RUFY4: variants seen among roughly 807,000 people sequenced by gnomAD.
The protein encoded by RUFY4 is RUN and FYVE domain containing 4.
In RUFY4, 73 loss-of-function variants were observed where a neutral mutation model predicts 69.0. The observed-to-expected ratio is 1.06, with a 90% CI of 0.88 to 1.29. The LOEUF is 1.29. Among genes scored for constraint, RUFY4 ranks in the 50% most tolerant of loss-of-function variants. The pLI, the probability that RUFY4 is intolerant of heterozygous loss-of-function variation, is 0.00. For synonymous variants in RUFY4, 287 were observed against 271.8 expected (o/e 1.06, Z -0.55); for missense variants, 770 against 705.6 (o/e 1.09, Z -1.03).
rs1225044699 is a variant in RUFY4 at position 218,075,477 on chromosome 2, A to G, written c.985A>G (p.Thr329Ala). The change falls in exon 7 of 11, where the codon ACA (threonine) becomes GCA (alanine). Residue 329 changes from threonine to alanine, a missense_variant. By Grantham distance (58) the Thr-to-Ala change is moderately conservative. Coordinates refer to ENST00000344321, the Ensembl canonical transcript of RUFY4. Reference sequence around the variant, plus strand: ...GCTGGTTGCAGAGGGTCAGAGAACAACAGAGGGGACTCACAAAAAGGAAGC... The same window carrying G: ...GCTGGTTGCAGAGGGTCAGAGAACAGCAGAGGGGACTCACAAAAAGGAAGC... 5.0e-6 allele frequency: 8 copies of G among 1,598,194 alleles called. 1 individual carries two copies. The highest frequency in any genetic ancestry group is 6.8e-6 in the Non-Finnish European group (8 of 1,171,990).
At chr2:218,074,856 C>T (rs1399238965) in intron 6 of RUFY4, among the ~76,000 whole-genome samples, 2 of 152,058 alleles carry the variant, frequency 1.3e-5, no homozygotes, top group African/African-American at 4.8e-5. Flanking sequence ...ATGTGGGCTG[C>T]GGGAAGGGAC....
exon 7 of RUFY4, chr2:218,075,192 G>A (rs1196670504): frequency 6.4e-6 from 10 of 1,558,192 alleles, no homozygotes; most frequent in Non-Finnish European, 8.7e-6. Flanking sequence ...ACAGCAGCTG[G>A]CAGGGCTTCC....
chr2:218,044,501 A>T (rs971602602), intron 2 of RUFY4, among the ~76,000 whole-genome samples: 1 of 152,086 alleles, frequency 6.6e-6, no homozygotes, highest in Non-Finnish European at 1.5e-5. Context: ...AACTTGTGTC[A>T]TGGGGGTTTG....
chr2:218,061,203 A>G (rs537169858), intron 3 of RUFY4: 72 of 391,542 alleles, frequency 1.8e-4, no homozygotes, highest in African/African-American at 1.3e-3. Context: ...GAATAAGATG[A>G]CCAGCATCGG....
intron 2 of RUFY4, among the ~76,000 whole-genome samples, chr2:218,035,671 T>A (rs1481302370): frequency 5.8e-4 from 88 of 152,130 alleles, no homozygotes; most frequent in African/African-American, 4.8e-5. Context: ...TAAGGCCACC[T>A]GCTCTCAGGG....
chr2:218,045,908 C>A (rs1481772057), intron 2 of RUFY4, among the ~76,000 whole-genome samples: 1 of 152,038 alleles, frequency 6.6e-6, no homozygotes, highest in African/African-American at 2.4e-5. Context: ...GGGTTCGCGC[C>A]ATTCTCCTGC....
intron 2 of RUFY4, among the ~76,000 whole-genome samples, chr2:218,058,111 C>G (rs1331902675): frequency 6.6e-6 from 1 of 152,172 alleles, no homozygotes; most frequent in Non-Finnish European, 1.5e-5. Context: ...TTATCTACTA[C>G]CAGCAATGCA....
At chr2:218,060,139 T>C in intron 3 of RUFY4, 1 of 437,770 alleles carries the variant, frequency 2.3e-6, no homozygotes, top group Non-Finnish European at 4.2e-6. Context: ...GTAGTAATTA[T>C]GGCAAGGGGT....
intron 3 of RUFY4, among the ~76,000 whole-genome samples, chr2:218,064,061 C>A (rs1300716236): frequency 6.6e-6 from 1 of 152,224 alleles, no homozygotes; most frequent in African/African-American, 2.4e-5. Context: ...AACCCATAAG[C>A]ACCCCACCCC....
intron 3 of RUFY4, chr2:218,060,466 T>G (rs936056030): frequency 5.8e-5 from 82 of 1,403,238 alleles, no homozygotes; most frequent in Non-Finnish European, 8.0e-5. Flanking sequence ...GCAAAACTTC[T>G]GGCCAATGAA....
At chr2:218,084,980 G>A (rs201208389) in intron 9 of RUFY4, among the ~76,000 whole-genome samples, 3 of 152,102 alleles carry the variant, frequency 2.0e-5, no homozygotes, top group African/African-American at 4.8e-5. Flanking sequence ...CCCAGGAGGC[G>A]GAGGTTGCAG....
intron 2 of RUFY4, among the ~76,000 whole-genome samples, chr2:218,055,780 C>T (rs901004349): frequency 6.6e-5 from 10 of 152,196 alleles, no homozygotes; most frequent in South Asian, 2.1e-4. Flanking sequence ...CAACCATCCC[C>T]GCCACAGTGC....
At chr2:218,073,328 G>A in exon 5 of RUFY4, 16 of 1,577,610 alleles carry the variant, frequency 1.0e-5, no homozygotes, top group Non-Finnish European at 1.3e-5. Flanking sequence ...CAATGGGGTG[G>A]CCTTCGAGTT....
chr2:218,074,761 G>A (rs910791381), intron 6 of RUFY4, among the ~76,000 whole-genome samples: 8 of 152,018 alleles, frequency 5.3e-5, no homozygotes, highest in African/African-American at 7.2e-5. Flanking sequence ...CATGTAGTTC[G>A]GGAGGAAAAA....
intron 2 of RUFY4, among the ~76,000 whole-genome samples, chr2:218,055,955 G>A (rs1025133785): frequency 3.9e-5 from 6 of 152,292 alleles, no homozygotes; most frequent in African/African-American, 1.4e-4. Flanking sequence ...TCACAAATTA[G>A]ATACTGCTAT....
chr2:218,081,991 T>C (rs1341511233), intron 8 of RUFY4, among the ~76,000 whole-genome samples: 1 of 152,234 alleles, frequency 6.6e-6, no homozygotes, highest in East Asian at 1.9e-4. Context: ...CGTACATGCA[T>C]CCTGAGCGCT....
chr2:218,078,445 C>T (rs534449667), intron 8 of RUFY4, among the ~76,000 whole-genome samples: 2 of 152,030 alleles, frequency 1.3e-5, no homozygotes, highest in Non-Finnish European at 2.9e-5. Context: ...TCCAAGGAGG[C>T]CTTCCGGGCC....
At chr2:218,045,861 G>A (rs1688814453) in intron 2 of RUFY4, among the ~76,000 whole-genome samples, 1 of 151,360 alleles carries the variant, frequency 6.6e-6, no homozygotes, top group Admixed American at 6.6e-5. Flanking sequence ...CTGGAGTGCA[G>A]TGGCGCAATC....
At chr2:218,056,359 A>ATAGAACTTGATGCTAAAC (rs1178335628) in intron 2 of RUFY4, among the ~76,000 whole-genome samples, 2 of 152,056 alleles carry the variant, frequency 1.3e-5, no homozygotes, top group African/African-American at 4.8e-5. Flanking sequence ...TGCCTGCCAG[A>ATAGAACTTGATGCTAAAC]ATAATCAGAT....
Sources: allele counts gnomAD v4.1 joint callset (sites outside exome capture counted in the v4.1 genomes callset), GRCh38; gene constraint gnomAD v4.1.1; transcripts MANE v1.5; gene names NCBI Gene and HGNC (gene_info 2026-07-23, HGNC 2026-07-21).